Variants in ZFAND3 observed in about 807,000 individuals in gnomAD.
ZFAND3 encodes zinc finger AN1-type containing 3, also known as AN1-type zinc finger protein 3.
ZFAND3 carries 10 observed loss-of-function variants against 29.6 expected under a neutral mutation model. The observed-to-expected ratio is 0.34, with a 90% CI of 0.21 to 0.57. The LOEUF is 0.57. ZFAND3 is among the 20% of genes least tolerant of loss of function. The pLI, the probability that ZFAND3 is intolerant of heterozygous loss-of-function variation, is 0.86. For synonymous variants in ZFAND3, 128 were observed against 112.6 expected (o/e 1.14, Z -0.87); for missense variants, 230 against 304.5 (o/e 0.76, Z 1.82).
At chr6:38,025,833 A>G (rs964168281) in intron 2 of ZFAND3, among the ~76,000 whole-genome samples, 2 of 152,278 alleles carry the variant, frequency 1.3e-5, no homozygotes, top group African/African-American at 4.8e-5. Flanking sequence ...CTACAGGGAC[A>G]GAAAGTAGAT....
intron 4 of ZFAND3, among the ~76,000 whole-genome samples, chr6:38,103,476 TATACACACATATATACAC>T (rs1307426006): frequency 0.07 from 2,027 of 29,068 alleles, 51 homozygotes; most frequent in African/African-American, 0.15. Flanking sequence ...CGTGTATATA[TATACACACATATATACAC>T]GTGTATATAT....
intron 2 of ZFAND3, among the ~76,000 whole-genome samples, chr6:38,018,557 T>C (rs1763290623): frequency 6.6e-6 from 1 of 152,212 alleles, no homozygotes; most frequent in Non-Finnish European, 1.5e-5. Context: ...TTTTCATATT[T>C]ACACCTCTGC....
intron 4 of ZFAND3, among the ~76,000 whole-genome samples, chr6:38,092,501 A>T (rs752266747): frequency 6.6e-6 from 1 of 152,208 alleles, no homozygotes; most frequent in Non-Finnish European, 1.5e-5. Context: ...ATATAGTACT[A>T]ATGTTGTATT....
chr6:38,074,889 C>T (rs560390738), intron 3 of ZFAND3, among the ~76,000 whole-genome samples: 9 of 152,292 alleles, frequency 5.9e-5, no homozygotes, highest in East Asian at 5.8e-4. Context: ...CTGCTACATC[C>T]GCTCTGCCTG....
At chr6:38,116,296 G>T (rs1765416280) in intron 4 of ZFAND3, among the ~76,000 whole-genome samples, 1 of 152,130 alleles carries the variant, frequency 6.6e-6, no homozygotes, top group African/African-American at 2.4e-5. Flanking sequence ...TAGAATCTCA[G>T]CTCTTTTTAA....
intron 2 of ZFAND3, among the ~76,000 whole-genome samples, chr6:38,054,218 C>CAAAAAAAAAAAAAAAA: frequency 8.9e-6 from 1 of 112,046 alleles, no homozygotes; most frequent in Non-Finnish European, 1.8e-5. Context: ...CCATCTCTAT[C>CAAAAAAAAAAAAAAAA]AAAAAAAAAA....
At chr6:38,121,237 A>G (rs575653087) in intron 5 of ZFAND3, among the ~76,000 whole-genome samples, 11 of 152,300 alleles carry the variant, frequency 7.2e-5, no homozygotes, top group East Asian at 5.8e-4. Flanking sequence ...ATTGCCAGGC[A>G]AGATGGTGCA....
intron 4 of ZFAND3, among the ~76,000 whole-genome samples, chr6:38,108,466 C>T (rs559255010): frequency 1.1e-4 from 17 of 152,290 alleles, no homozygotes; most frequent in African/African-American, 2.4e-4. Flanking sequence ...TGACAGTACA[C>T]GCTTTAGCCT....
At chr6:38,013,437 T>C (rs1386728915) in intron 2 of ZFAND3, among the ~76,000 whole-genome samples, 2 of 152,236 alleles carry the variant, frequency 1.3e-5, no homozygotes, top group Non-Finnish European at 2.9e-5. Context: ...ATGTTTGATA[T>C]AGTACATACT....
intron 1 of ZFAND3, among the ~76,000 whole-genome samples, chr6:37,923,705 G>T (rs1027783443): frequency 3.3e-5 from 5 of 152,152 alleles, no homozygotes; most frequent in African/African-American, 1.2e-4. Context: ...TAACACTACA[G>T]CTATGATGCC....
chr6:37,939,394 T>C (rs13192458), intron 2 of ZFAND3, among the ~76,000 whole-genome samples: 229 of 152,338 alleles, frequency 1.5e-3, no homozygotes, highest in Non-Finnish European at 2.8e-3. Flanking sequence ...TTCCCTCTTC[T>C]GTCTCCTCTA....
intron 1 of ZFAND3, among the ~76,000 whole-genome samples, chr6:37,910,450 A>T (rs560566441): frequency 1.1e-4 from 17 of 151,806 alleles, no homozygotes; most frequent in East Asian, 1.9e-4. Flanking sequence ...TTCTAGATTT[A>T]AAAAAAATAT....
chr6:37,998,184 A>T (rs1032363831), intron 2 of ZFAND3, among the ~76,000 whole-genome samples: 5 of 152,258 alleles, frequency 3.3e-5, no homozygotes, highest in Non-Finnish European at 7.3e-5. Flanking sequence ...GCAAATTACA[A>T]AGTGGAACCT....
At chr6:38,001,171 T>C (rs891762630) in intron 2 of ZFAND3, among the ~76,000 whole-genome samples, 16 of 152,264 alleles carry the variant, frequency 1.1e-4, no homozygotes, top group African/African-American at 3.6e-4. Context: ...TAGAAAGTAT[T>C]CTAACTCATT....
chr6:38,000,322 A>C (rs1390469106), intron 2 of ZFAND3, among the ~76,000 whole-genome samples: 3 of 152,196 alleles, frequency 2.0e-5, no homozygotes. Flanking sequence ...CTCCAAACAA[A>C]TTTGTGAAAG....
intron 2 of ZFAND3, among the ~76,000 whole-genome samples, chr6:37,933,744 A>G (rs1761639900): frequency 1.3e-5 from 2 of 152,152 alleles, no homozygotes; most frequent in Non-Finnish European, 2.9e-5. Flanking sequence ...TCTCTTTGAA[A>G]TGAGAGAGGT....
chr6:37,832,698 G>A (rs1763885090), intron 1 of ZFAND3, among the ~76,000 whole-genome samples: 1 of 152,076 alleles, frequency 6.6e-6, no homozygotes, highest in African/African-American at 2.4e-5. Context: ...CTCCTCGACA[G>A]GGTCTCGCTC....
At chr6:37,990,798 A>T (rs1042326184) in intron 2 of ZFAND3, among the ~76,000 whole-genome samples, 1 of 152,208 alleles carries the variant, frequency 6.6e-6, no homozygotes, top group African/African-American at 2.4e-5. Context: ...GTGGCCAATG[A>T]CAGCTGTTTC....
At chr6:38,101,411 G>A (rs1269099222) in intron 4 of ZFAND3, among the ~76,000 whole-genome samples, 1 of 152,182 alleles carries the variant, frequency 6.6e-6, no homozygotes, top group Non-Finnish European at 1.5e-5. Context: ...TGGGCACTCT[G>A]TGTCATAATA....
Sources: allele counts gnomAD v4.1 joint callset (sites outside exome capture counted in the v4.1 genomes callset), GRCh38; gene constraint gnomAD v4.1.1; transcripts MANE v1.5; gene names NCBI Gene and HGNC (gene_info 2026-07-23, HGNC 2026-07-21).